Variants in CCDC91 observed in about 807,000 individuals in gnomAD.
The protein encoded by CCDC91 is coiled-coil domain-containing protein 91.
A neutral mutation model predicts 63.2 loss-of-function variants in CCDC91; 48 were observed. The ratio of observed to expected loss-of-function variants is 0.76; its 90% CI spans 0.60 to 0.97. The LOEUF is 0.97. Ranked by LOEUF, CCDC91 falls within the 50% of genes least tolerant of loss-of-function variation. The pLI is 0.00. For synonymous variants in CCDC91, 167 were observed against 165.8 expected, an observed-to-expected ratio of 1.01 and a Z score of -0.06; for missense variants, 500 against 494.6, an observed-to-expected ratio of 1.01 and a Z score of -0.10.
intron 12 of CCDC91, among the ~76,000 whole-genome samples, chr12:28,534,398 A>G (rs10506039): frequency 0.08 from 12,223 of 152,168 alleles, 1,485 homozygotes; most frequent in African/African-American, 0.27. Flanking sequence ...CTTTTCCAAT[A>G]TAAGGAACCT....
intron 3 of CCDC91, among the ~76,000 whole-genome samples, chr12:28,296,489 A>G (rs897467049): frequency 1.3e-5 from 2 of 151,952 alleles, no homozygotes; most frequent in Non-Finnish European, 1.5e-5. Flanking sequence ...TAATCATTTT[A>G]TTAAGGAAGT....
At chr12:28,326,613 A>AG (rs1193325009) in intron 6 of CCDC91, among the ~76,000 whole-genome samples, 22 of 134,416 alleles carry the variant, frequency 1.6e-4, no homozygotes, top group Non-Finnish European at 3.3e-4. Context: ...ATGTGTTCTC[A>AG]TTGTTCAGTT....
At chr12:28,412,199 A>G (rs1338421131) in intron 8 of CCDC91, among the ~76,000 whole-genome samples, 2 of 152,196 alleles carry the variant, frequency 1.3e-5, no homozygotes, top group African/African-American at 2.4e-5. Flanking sequence ...TGTTCACACA[A>G]TGATGAAATT....
intron 1 of CCDC91, among the ~76,000 whole-genome samples, chr12:28,193,650 A>G (rs1265935014): frequency 6.6e-6 from 1 of 151,832 alleles, no homozygotes; most frequent in Non-Finnish European, 1.5e-5. Flanking sequence ...TTTCCAAGGT[A>G]GCTGTTTCAT....
intron 12 of CCDC91, among the ~76,000 whole-genome samples, chr12:28,502,322 C>A (rs1387209257): frequency 6.6e-6 from 1 of 151,924 alleles, no homozygotes; most frequent in Non-Finnish European, 1.5e-5. Flanking sequence ...TGAGTGAACT[C>A]CCATTCACAA....
Position 28,447,464 on chromosome 12 carries a change from A to G in CCDC91, c.763-2697A>G, listed in dbSNP as rs1300407523. 3.3e-5 allele frequency among the ~76,000 whole-genome samples: 5 copies of G among 151,778 alleles called. No individual in the cohort carries two copies. The East Asian group carries it at 9.8e-4, about 30-fold the overall frequency. ...ATAATGAGCATATATCAGTCTTACA[A>G]AAATCAAAATACATTGTATTGAAAC... On this transcript the variant is annotated intron_variant, in intron 8 of 12. Transcript: ENST00000536442.
chr12:28,406,928 C>A (rs1478767147), intron 8 of CCDC91, among the ~76,000 whole-genome samples: 1 of 151,980 alleles, frequency 6.6e-6, no homozygotes, highest in Admixed American at 6.6e-5. Context: ...CCACACAAAT[C>A]TCATGTTGAA....
chr12:28,517,172 C>CT (rs1940042140), intron 12 of CCDC91, among the ~76,000 whole-genome samples: 1 of 151,884 alleles, frequency 6.6e-6, no homozygotes, highest in African/African-American at 2.4e-5. Flanking sequence ...ATGTTATATG[C>CT]TTTTAAATTA....
chr12:28,333,714 A>G (rs1263493632), intron 6 of CCDC91, among the ~76,000 whole-genome samples: 3 of 152,036 alleles, frequency 2.0e-5, no homozygotes, highest in African/African-American at 7.2e-5. Context: ...GATTACCTTT[A>G]TTGCAGCTTT....
At chr12:28,330,905 A>G (rs574309608) in intron 6 of CCDC91, among the ~76,000 whole-genome samples, 2 of 152,310 alleles carry the variant, frequency 1.3e-5, no homozygotes, top group South Asian at 2.1e-4. Flanking sequence ...AAAACAAACC[A>G]AAAACCCCTC....
At chr12:28,299,335 C>T (rs1255151794) in intron 3 of CCDC91, among the ~76,000 whole-genome samples, 4 of 151,404 alleles carry the variant, frequency 2.6e-5, no homozygotes, top group African/African-American at 4.8e-5. Flanking sequence ...TTTTCTTATT[C>T]TCCTCAGTAT....
At chr12:28,247,990 G>A (rs192756284) in intron 1 of CCDC91, among the ~76,000 whole-genome samples, 2 of 152,242 alleles carry the variant, frequency 1.3e-5, no homozygotes, top group East Asian at 3.9e-4. Context: ...ATGCTTACTT[G>A]CTGGCCACTC....
intron 3 of CCDC91, among the ~76,000 whole-genome samples, chr12:28,304,403 A>AAAAAAAAAAAAAAAAAAAAAAAAAAAAG (rs1938467190): frequency 6.2e-5 from 4 of 64,536 alleles, no homozygotes; most frequent in Non-Finnish European, 9.7e-5. Context: ...AAAAAAAAAG[A>AAAAAAAAAAAAAAAAAAAAAAAAAAAAG]AAAAAAAAAA....
Position 28,362,473 on chromosome 12 carries a change from A to T in CCDC91, c.612A>T (p.Lys204Asn). ...KHKQELEDMR[K>N]AGHEALSIIV... ...AACAAGAATTGGAAGACATGAGGAA[A>T]GCTGGTCACGAAGCCCTCAGCATTA... is the stretch of plus-strand genomic sequence containing the variant. Residue 204 changes from lysine to asparagine, a missense_variant, in exon 7 of 13, where the codon AAA (lysine) becomes AAT (asparagine). Lys to Asn is a moderately conservative substitution (Grantham distance 94). Transcript: ENST00000536442. 6.3e-7 allele frequency: 1 copy of T among 1,599,504 alleles called. No homozygotes were observed. Among genetic ancestry groups the T allele is most frequent in the Non-Finnish European group, 8.5e-7 (1 of 1,172,536 alleles).
At chr12:28,325,951 A>C (rs763307187) in intron 6 of CCDC91, among the ~76,000 whole-genome samples, 1 of 152,168 alleles carries the variant, frequency 6.6e-6, no homozygotes, top group Non-Finnish European at 1.5e-5. Context: ...TATAGGAAAT[A>C]AAGGATTTTA....
At position 28,217,116 on chromosome 12, in the gene CCDC91, G is replaced by A. The variant is rs369827830; in HGVS notation, c.-15+26475G>A. 1.8e-4 allele frequency among the ~76,000 whole-genome samples: 27 copies of A among 152,082 alleles called. 1 individual carries two copies. Among genetic ancestry groups the A allele is most frequent in the African/African-American group, 5.5e-4 (23 of 41,486 alleles). On this transcript the variant is annotated intron_variant, in intron 1 of 12. Transcript: ENST00000536442. ...CCTTATAATAAGGAAATTACGGCCC[G>A]AACTAATCTCTTAACATGCTACTAG...
chr12:28,427,221 C>A (rs748352032), intron 8 of CCDC91, among the ~76,000 whole-genome samples: 12 of 152,144 alleles, frequency 7.9e-5, no homozygotes, highest in Non-Finnish European at 1.5e-4. Flanking sequence ...CCAACCCCCA[C>A]CTCCTTTATG....
intron 6 of CCDC91, among the ~76,000 whole-genome samples, chr12:28,360,030 A>C (rs1471346852): frequency 6.6e-6 from 1 of 152,202 alleles, no homozygotes; most frequent in Admixed American, 6.5e-5. Context: ...ATTATTACCT[A>C]GTTTTAACTA....
intron 8 of CCDC91, among the ~76,000 whole-genome samples, chr12:28,420,294 G>T (rs955436000): frequency 3.3e-5 from 5 of 152,056 alleles, no homozygotes; most frequent in Admixed American, 1.3e-4. Flanking sequence ...TTTTTCTATG[G>T]CTTGAAACTC....
Sources: allele counts gnomAD v4.1 joint callset (sites outside exome capture counted in the v4.1 genomes callset), GRCh38; gene constraint gnomAD v4.1.1; transcripts MANE v1.5; gene names NCBI Gene and HGNC (gene_info 2026-07-23, HGNC 2026-07-21).